The following KALRN variants were observed in gnomAD, a reference collection of about 807,000 sequenced individuals.
KALRN encodes kalirin.
A neutral mutation model predicts 353.7 loss-of-function variants in KALRN; 70 were observed. The observed-to-expected ratio is 0.20, with a 90% CI of 0.16 to 0.24. KALRN has a LOEUF of 0.24. KALRN is among the 10% of genes least tolerant of loss of function. The pLI is 1.00. For synonymous variants in KALRN, 1,391 were observed against 1,434.8 expected (o/e 0.97, Z 0.69); for missense variants, 2,791 against 3,756.7 (o/e 0.74, Z 6.72).
intron 23 of KALRN, among the ~76,000 whole-genome samples, chr3:124,458,549 A>T (rs1350650092): frequency 6.6e-6 from 1 of 152,206 alleles, no homozygotes; most frequent in Non-Finnish European, 1.5e-5. Context: ...GCTAGATTGT[A>T]GACTCCTTGA....
Position 124,284,421 on chromosome 3 carries a change from C to T in KALRN, c.970-14370C>T, listed in dbSNP as rs75229067. On this transcript the variant is annotated intron_variant, in intron 5 of 59. Transcript: ENST00000682506. Reference sequence around the variant, plus strand: ...GATTAAAATGCCCTTGCAAACTACACCTTCTTTGCCTGATGAAATCCTGTT... The same window carrying T: ...GATTAAAATGCCCTTGCAAACTACATCTTCTTTGCCTGATGAAATCCTGTT... Among the ~76,000 whole-genome samples, 73 of 152,310 alleles carry T rather than the reference C, an allele frequency of 4.8e-4. No individual in the cohort carries two copies. In the East Asian group the frequency reaches 0.012, roughly 24 times the overall value.
rs1008305782 is a variant in KALRN at position 124,369,656 on chromosome 3, A to G, written c.1771-15189A>G. Among the ~76,000 whole-genome samples the G allele has an allele frequency of 2.0e-5, 3 of 152,216 alleles. No homozygotes were observed. In the East Asian group the frequency reaches 5.8e-4, roughly 29 times the overall value. On this transcript the variant is annotated intron_variant, in intron 10 of 59. Coordinates refer to ENST00000682506, the MANE Select transcript of KALRN (RefSeq NM_001388419.1). Reference sequence around the variant, plus strand: ...TTTAAGAATACATATATTGTTAACTATAGATGCTATGTTGTACAATAGATC... The same window carrying G: ...TTTAAGAATACATATATTGTTAACTGTAGATGCTATGTTGTACAATAGATC...
At chr3:124,368,035 C>T (rs1328281544) in intron 10 of KALRN, among the ~76,000 whole-genome samples, 1 of 37,950 alleles carries the variant, frequency 2.6e-5, no homozygotes, top group Non-Finnish European at 5.0e-5. Flanking sequence ...GCTGGCCGGG[C>T]GGAGGGCTGA....
At chr3:124,546,856 T>C (rs2069735136) in intron 33 of KALRN, among the ~76,000 whole-genome samples, 1 of 152,194 alleles carries the variant, frequency 6.6e-6, no homozygotes, top group Non-Finnish European at 1.5e-5. Flanking sequence ...AGAGACATCC[T>C]GGCCCATATA....
At chr3:124,088,165 C>G (rs11721323) in intron 1 of KALRN, among the ~76,000 whole-genome samples, 1 of 151,792 alleles carries the variant, frequency 6.6e-6, no homozygotes, top group African/African-American at 2.4e-5. Context: ...GTGGACTTTT[C>G]GGGATGCCAA....
chr3:124,683,124 C>T (rs948914230), intron 51 of KALRN, among the ~76,000 whole-genome samples: 10 of 152,132 alleles, frequency 6.6e-5, no homozygotes, highest in African/African-American at 2.4e-4. Flanking sequence ...GATGTTTCTA[C>T]ATGGAAGAAG....
rs572352452 is a variant in KALRN at position 124,592,194 on chromosome 3, C to T, written c.5182+29105C>T. ...GTGCACGTCTATAACCCCAGCTACT[C>T]GGGAGGCTGAGTCAGGAGAATTGCT... On this transcript the variant is annotated intron_variant, in intron 34 of 59. Coordinates refer to ENST00000682506, the MANE Select transcript of KALRN (RefSeq NM_001388419.1). 5.3e-5 allele frequency among the ~76,000 whole-genome samples: 8 copies of T among 151,146 alleles called. No individual in the cohort carries two copies. In the South Asian group the frequency reaches 6.3e-4, roughly 12 times the overall value.
chr3:124,713,658 G>A (rs866328996), intron 58 of KALRN, among the ~76,000 whole-genome samples: 1 of 152,156 alleles, frequency 6.6e-6, no homozygotes, highest in Admixed American at 6.5e-5. Flanking sequence ...TAGAATAGAT[G>A]TAATAAAGCA....
intron 57 of KALRN, among the ~76,000 whole-genome samples, chr3:124,712,325 G>A (rs332510): frequency 0.28 from 42,431 of 151,852 alleles, 7,261 homozygotes; most frequent in East Asian, 0.5. Flanking sequence ...TGTATGAGAA[G>A]GAGAAAAAAA....
At chr3:124,313,632 A>G (rs2078506597) in intron 6 of KALRN, among the ~76,000 whole-genome samples, 1 of 152,224 alleles carries the variant, frequency 6.6e-6, no homozygotes, top group African/African-American at 2.4e-5. Context: ...TCTCTAAGGC[A>G]GCAGTCCTGC....
At chr3:124,268,291 C>T (rs2073798425) in intron 4 of KALRN, among the ~76,000 whole-genome samples, 1 of 152,174 alleles carries the variant, frequency 6.6e-6, no homozygotes, top group African/African-American at 2.4e-5. Flanking sequence ...GAAATCTTTG[C>T]AGCCCAAGCA....
At chr3:124,165,318 A>G (rs1218551623) in intron 1 of KALRN, among the ~76,000 whole-genome samples, 2 of 152,126 alleles carry the variant, frequency 1.3e-5, no homozygotes, top group Non-Finnish European at 2.9e-5. Context: ...GCTGTGCATT[A>G]GCATCTCTTA....
At chr3:124,643,687 G>C (rs188769966) in intron 37 of KALRN, among the ~76,000 whole-genome samples, 1 of 151,922 alleles carries the variant, frequency 6.6e-6, no homozygotes, top group African/African-American at 2.4e-5. Flanking sequence ...ATGAGGTCTC[G>C]CTTTGTTGCC....
At chr3:124,534,152 T>C (rs762769744) in intron 33 of KALRN, among the ~76,000 whole-genome samples, 1 of 152,234 alleles carries the variant, frequency 6.6e-6, no homozygotes. Flanking sequence ...AAGAGGATTC[T>C]AAGATGACAT....
chr3:124,565,544 A>T (rs1474970843), intron 34 of KALRN, among the ~76,000 whole-genome samples: 1 of 152,220 alleles, frequency 6.6e-6, no homozygotes, highest in East Asian at 1.9e-4. Flanking sequence ...AAATAACTAC[A>T]CACTCCCACA....
intron 34 of KALRN, among the ~76,000 whole-genome samples, chr3:124,601,466 G>A (rs933001661): frequency 5.3e-5 from 8 of 152,212 alleles, no homozygotes; most frequent in African/African-American, 1.9e-4. Flanking sequence ...AGCCCTGGGA[G>A]TGTCCGTGTT....
chr3:124,405,689 G>C (rs946479057), intron 13 of KALRN, among the ~76,000 whole-genome samples: 1 of 136,692 alleles, frequency 7.3e-6, no homozygotes, highest in Non-Finnish European at 1.5e-5. Context: ...TGTCAGCCAG[G>C]CTGGAGTGCA....
intron 16 of KALRN, among the ~76,000 whole-genome samples, chr3:124,431,268 A>G (rs1183187895): frequency 6.6e-6 from 1 of 152,220 alleles, no homozygotes; most frequent in African/African-American, 2.4e-5. Flanking sequence ...TGAGCATTGG[A>G]GCAGATTGCA....
intron 33 of KALRN, among the ~76,000 whole-genome samples, chr3:124,515,948 AG>A (rs2066497473): frequency 6.6e-6 from 1 of 152,336 alleles, no homozygotes; most frequent in South Asian, 2.1e-4. Flanking sequence ...GGCTTAAGGG[AG>A]CAAGTGTTCA....
Sources: allele counts gnomAD v4.1 joint callset (sites outside exome capture counted in the v4.1 genomes callset), GRCh38; gene constraint gnomAD v4.1.1; transcripts MANE v1.5; gene names NCBI Gene and HGNC (gene_info 2026-07-23, HGNC 2026-07-21).